Variants in MSRB3 observed in about 807,000 individuals in gnomAD.
The protein encoded by MSRB3 is methionine sulfoxide reductase B3.
MSRB3 carries 13 observed loss-of-function variants against 21.0 expected under a neutral mutation model. That is an observed-to-expected ratio of 0.62 (90% confidence interval 0.40 to 0.98). MSRB3 has a LOEUF of 0.98. Ranked by LOEUF, MSRB3 falls within the 50% of genes least tolerant of loss-of-function variation. The pLI is 0.00. For synonymous variants in MSRB3, 87 were observed against 88.6 expected (o/e 0.98, Z 0.10); for missense variants, 199 against 230.3 (o/e 0.86, Z 0.88).
intron 5 of MSRB3, among the ~76,000 whole-genome samples, chr12:65,409,457 A>T (rs1466376693): frequency 3.3e-5 from 5 of 152,098 alleles, no homozygotes; most frequent in Admixed American, 3.3e-4. Flanking sequence ...ACTTATATAG[A>T]TACACAAGAT....
At chr12:65,279,202 C>A (rs2136376506) in intron 1 of MSRB3, 2 of 554,006 alleles carry the variant, frequency 3.6e-6, no homozygotes, top group East Asian at 6.6e-5. Flanking sequence ...AGAGAGGGAT[C>A]TGGCGGGGCA....
intron 2 of MSRB3, among the ~76,000 whole-genome samples, chr12:65,314,892 C>T (rs961829397): frequency 6.6e-6 from 1 of 152,084 alleles, no homozygotes; most frequent in Non-Finnish European, 1.5e-5. Flanking sequence ...TTGGAGGAAT[C>T]ATATAGGCAA....
chr12:65,446,005 C>T (rs541080514), intron 5 of MSRB3, among the ~76,000 whole-genome samples: 1 of 152,228 alleles, frequency 6.6e-6, no homozygotes, highest in South Asian at 2.1e-4. Context: ...CTGAATGAAG[C>T]ATGGGAGAAT....
intron 5 of MSRB3, among the ~76,000 whole-genome samples, chr12:65,453,181 T>G (rs1179193821): frequency 6.6e-6 from 1 of 152,220 alleles, no homozygotes; most frequent in Non-Finnish European, 1.5e-5. Flanking sequence ...ATAGATGCTA[T>G]GATTTCCAGA....
chr12:65,455,919 G>T (rs530270811), intron 6 of MSRB3, among the ~76,000 whole-genome samples: 1 of 151,968 alleles, frequency 6.6e-6, no homozygotes, highest in Non-Finnish European at 1.5e-5. Flanking sequence ...TGTATTTTTG[G>T]TAGAGATAGG....
chr12:65,303,974 G>T (rs760096760), intron 1 of MSRB3, among the ~76,000 whole-genome samples: 1 of 152,128 alleles, frequency 6.6e-6, no homozygotes, highest in Non-Finnish European at 1.5e-5. Flanking sequence ...GGTATGGCAA[G>T]GGAAAAGGCT....
intron 2 of MSRB3, among the ~76,000 whole-genome samples, chr12:65,310,221 C>T (rs967278134): frequency 2.6e-5 from 4 of 152,034 alleles, no homozygotes; most frequent in Non-Finnish European, 4.4e-5. Context: ...CTCAGTATGC[C>T]CCCTAGCCCC....
intron 5 of MSRB3, among the ~76,000 whole-genome samples, chr12:65,370,274 CATTTTTT>C (rs1225276440): frequency 1.3e-5 from 2 of 152,020 alleles, no homozygotes; most frequent in African/African-American, 4.8e-5. Flanking sequence ...AAATCTTTTT[CATTTTTT>C]AAGTTAAAAT....
At chr12:65,375,849 GTT>G (rs1357455440) in intron 5 of MSRB3, among the ~76,000 whole-genome samples, 1 of 150,080 alleles carries the variant, frequency 6.7e-6, no homozygotes, top group Admixed American at 6.6e-5. Flanking sequence ...TTTTATTAAT[GTT>G]TTTCAGTTTT....
intron 3 of MSRB3, among the ~76,000 whole-genome samples, chr12:65,327,633 C>T (rs575611749): frequency 5.9e-5 from 9 of 152,310 alleles, no homozygotes; most frequent in African/African-American, 2.2e-4. Flanking sequence ...GGCGTAAGAC[C>T]GTAGCTTACC....
chr12:65,407,084 A>T (rs1211053432), intron 5 of MSRB3, among the ~76,000 whole-genome samples: 1 of 152,216 alleles, frequency 6.6e-6, no homozygotes, highest in Non-Finnish European at 1.5e-5. Context: ...TAATCAAAAC[A>T]TCATAGTACT....
chr12:65,462,026 C>G (rs891618872), intron 6 of MSRB3, among the ~76,000 whole-genome samples: 2 of 152,178 alleles, frequency 1.3e-5, no homozygotes, highest in Non-Finnish European at 2.9e-5. Flanking sequence ...GTCTGTCTCT[C>G]CCACTAGAAT....
chr12:65,413,064 T>A (rs552526886), intron 5 of MSRB3, among the ~76,000 whole-genome samples: 2 of 152,196 alleles, frequency 1.3e-5, no homozygotes, highest in Non-Finnish European at 2.9e-5. Flanking sequence ...GAGATTTGGA[T>A]GCAGACACAG....
chr12:65,330,326 C>T (rs1174783716), intron 4 of MSRB3, among the ~76,000 whole-genome samples: 1 of 152,220 alleles, frequency 6.6e-6, no homozygotes, highest in East Asian at 1.9e-4. Context: ...GCCTCTATTT[C>T]ATCTACTTCT....
At chr12:65,348,167 C>T (rs1876659450) in intron 4 of MSRB3, among the ~76,000 whole-genome samples, 1 of 152,074 alleles carries the variant, frequency 6.6e-6, no homozygotes, top group African/African-American at 2.4e-5. Context: ...ATGGTACCAG[C>T]TCCTCCTTGT....
intron 4 of MSRB3, 47 bp from the exon 5 acceptor site, chr12:65,368,951 T>C (rs780309465): frequency 9.3e-6 from 7 of 752,632 alleles, no homozygotes; most frequent in Non-Finnish European, 1.5e-5. Flanking sequence ...ATAATTGTTC[T>C]TTTACAAACA....
chr12:65,334,982 A>G (rs1352030945), intron 4 of MSRB3, among the ~76,000 whole-genome samples: 1 of 152,130 alleles, frequency 6.6e-6, no homozygotes, highest in Non-Finnish European at 1.5e-5. Context: ...ACTATTGTAA[A>G]TGTCTATCTT....
chr12:65,427,687 A>C (rs932338391), intron 5 of MSRB3, among the ~76,000 whole-genome samples: 2 of 152,062 alleles, frequency 1.3e-5, no homozygotes, highest in Non-Finnish European at 2.9e-5. Flanking sequence ...GTGTGCAGGC[A>C]CTCTCACTGC....
intron 5 of MSRB3, among the ~76,000 whole-genome samples, chr12:65,371,996 A>G (rs1223351396): frequency 2.0e-5 from 3 of 152,152 alleles, no homozygotes; most frequent in Non-Finnish European, 4.4e-5. Flanking sequence ...ACTTTTGTTA[A>G]TTATTTGCCG....
Sources: allele counts gnomAD v4.1 joint callset (sites outside exome capture counted in the v4.1 genomes callset), GRCh38; gene constraint gnomAD v4.1.1; transcripts MANE v1.5; gene names NCBI Gene and HGNC (gene_info 2026-07-23, HGNC 2026-07-21).